ME1: variants seen among roughly 807,000 people sequenced by gnomAD.
ME1 encodes the protein NADP-dependent malic enzyme.
In ME1, 74 loss-of-function variants were observed where a neutral mutation model predicts 66.4. The ratio of observed to expected loss-of-function variants is 1.11; its 90% confidence interval spans 0.92 to 1.35. The LOEUF is 1.35. Ranked by LOEUF, ME1 falls within the 40% of genes most tolerant of loss-of-function variation. The pLI is 0.00. For missense variants in ME1, 750 were observed against 694.1 expected (o/e 1.08, Z -0.90); for synonymous variants, 251 against 235.6 (o/e 1.07, Z -0.60).
intron 6 of ME1, among the ~76,000 whole-genome samples, chr6:83,269,560 G>A (rs1006275205): frequency 1.3e-5 from 2 of 152,158 alleles, no homozygotes; most frequent in East Asian, 3.9e-4. Flanking sequence ...TGTCTAATTG[G>A]CTTTCCCTCC....
At chr6:83,357,935 C>CTCTCTCTCTCTCTCTCTCTCTATATA (rs1447805761) in intron 3 of ME1, among the ~76,000 whole-genome samples, 3 of 30,040 alleles carry the variant, frequency 1.0e-4, no homozygotes, top group Non-Finnish European at 1.2e-4. Context: ...CTCTCTCTCT[C>CTCTCTCTCTCTCTCTCTCTCTATATA]TATATATATA....
intron 6 of ME1, among the ~76,000 whole-genome samples, chr6:83,270,331 A>G (rs1767061097): frequency 6.6e-6 from 1 of 152,166 alleles, no homozygotes; most frequent in African/African-American, 2.4e-5. Context: ...TGCACAACAA[A>G]TCAGGTCCCA....
At chr6:83,332,848 C>T (rs73474729) in intron 5 of ME1, among the ~76,000 whole-genome samples, 2,488 of 152,062 alleles carry the variant, frequency 0.016, 61 homozygotes, top group East Asian at 0.06. Flanking sequence ...TCAGAGTTCA[C>T]CATTATATAA....
chr6:83,266,727 G>A (rs375096360), intron 6 of ME1, among the ~76,000 whole-genome samples: 3 of 152,196 alleles, frequency 2.0e-5, no homozygotes, highest in East Asian at 1.9e-4. Flanking sequence ...CATTGGCACC[G>A]GTATGGGTGC....
intron 1 of ME1, among the ~76,000 whole-genome samples, chr6:83,409,044 C>A (rs1295969460): frequency 6.6e-6 from 1 of 152,056 alleles, no homozygotes; most frequent in Non-Finnish European, 1.5e-5. Context: ...ATAAAAGGTA[C>A]CTCAGAGAGC....
At chr6:83,312,256 C>G (rs1304821371) in intron 6 of ME1, among the ~76,000 whole-genome samples, 1 of 152,166 alleles carries the variant, frequency 6.6e-6, no homozygotes, top group Admixed American at 6.5e-5. Context: ...AAACACTGTT[C>G]CCCTCTCCCT....
chr6:83,355,514 G>A (rs1048223319), intron 3 of ME1, among the ~76,000 whole-genome samples: 2 of 152,022 alleles, frequency 1.3e-5, no homozygotes, highest in African/African-American at 4.8e-5. Context: ...GAGTCATTTG[G>A]CCACCTGTAA....
chr6:83,281,824 A>G (rs1257014791), intron 6 of ME1, among the ~76,000 whole-genome samples: 8 of 143,658 alleles, frequency 5.6e-5, no homozygotes, highest in East Asian at 2.1e-4. Flanking sequence ...AAAAAAAAAA[A>G]AAAAAAAAAA....
At chr6:83,311,037 TC>T (rs1312827566) in intron 6 of ME1, among the ~76,000 whole-genome samples, 2 of 152,156 alleles carry the variant, frequency 1.3e-5, no homozygotes, top group Admixed American at 6.5e-5. Flanking sequence ...CTTTCGCATC[TC>T]ACAAAGTGGC....
intron 3 of ME1, among the ~76,000 whole-genome samples, chr6:83,385,453 A>C (rs1253012061): frequency 1.3e-5 from 2 of 151,898 alleles, no homozygotes; most frequent in African/African-American, 2.4e-5. Flanking sequence ...TACCACACAG[A>C]TTGTACAAAA....
At chr6:83,403,953 C>T (rs1015947869) in intron 2 of ME1, among the ~76,000 whole-genome samples, 3 of 152,040 alleles carry the variant, frequency 2.0e-5, no homozygotes, top group African/African-American at 2.4e-5. Flanking sequence ...TGAATAGTGC[C>T]GCAGTAAACA....
At chr6:83,404,462 C>T (rs147704394) in intron 2 of ME1, among the ~76,000 whole-genome samples, 58 of 152,046 alleles carry the variant, frequency 3.8e-4, no homozygotes, top group Admixed American at 3.7e-3. Context: ...CCTGTTCACT[C>T]CGATGATAGT....
chr6:83,288,909 A>G (rs573961945), intron 6 of ME1, among the ~76,000 whole-genome samples: 1 of 152,158 alleles, frequency 6.6e-6, no homozygotes, highest in South Asian at 2.1e-4. Context: ...TTATTCTCTG[A>G]GTAGCAGTTG....
intron 5 of ME1, among the ~76,000 whole-genome samples, chr6:83,324,056 T>C (rs1768233937): frequency 1.3e-5 from 2 of 151,980 alleles, no homozygotes; most frequent in South Asian, 4.1e-4. Flanking sequence ...CACAACTACA[T>C]GGAAACTGAA....
At chr6:83,373,689 G>T (rs1769235396) in intron 3 of ME1, among the ~76,000 whole-genome samples, 1 of 152,076 alleles carries the variant, frequency 6.6e-6, no homozygotes, top group Non-Finnish European at 1.5e-5. Context: ...TGCCACGGTG[G>T]CTTGCTGCAT....
intron 11 of ME1, among the ~76,000 whole-genome samples, chr6:83,227,046 C>T (rs1044386406): frequency 6.6e-6 from 1 of 151,386 alleles, no homozygotes; most frequent in African/African-American, 2.4e-5. Flanking sequence ...AACCAAGCTG[C>T]TTCCTTTCTA....
At chr6:83,372,045 C>T (rs2128547332) in intron 3 of ME1, among the ~76,000 whole-genome samples, 1 of 152,242 alleles carries the variant, frequency 6.6e-6, no homozygotes, top group African/African-American at 2.4e-5. Context: ...AGATCATATG[C>T]TTCATGCAAC....
At chr6:83,364,552 G>A (rs970318944) in intron 3 of ME1, among the ~76,000 whole-genome samples, 3 of 152,098 alleles carry the variant, frequency 2.0e-5, no homozygotes, top group Admixed American at 2.0e-4. Context: ...AAGCAGTTCT[G>A]GTTCCTTTTG....
intron 3 of ME1, among the ~76,000 whole-genome samples, chr6:83,372,059 C>A (rs1260879346): frequency 1.3e-5 from 2 of 152,148 alleles, no homozygotes; most frequent in African/African-American, 2.4e-5. Context: ...ATGCAACAAA[C>A]CATTATGTCT....
Sources: allele counts gnomAD v4.1 joint callset (sites outside exome capture counted in the v4.1 genomes callset), GRCh38; gene constraint gnomAD v4.1.1; transcripts MANE v1.5; gene names NCBI Gene and HGNC (gene_info 2026-07-23, HGNC 2026-07-21).